The following SYNDIG1 variants were observed in gnomAD, a reference collection of about 807,000 sequenced individuals.
SYNDIG1 encodes synapse differentiation inducing 1.
In SYNDIG1, 9 loss-of-function variants were observed where a neutral mutation model predicts 19.4. The observed-to-expected ratio is 0.46, with a 90% confidence interval of 0.28 to 0.81. The LOEUF is 0.81. SYNDIG1 is among the 30% of genes least tolerant of loss of function. The pLI is 0.12. For missense variants in SYNDIG1, 311 were observed against 343.3 expected (o/e 0.91, Z 0.74); for synonymous variants, 141 against 145.9 (o/e 0.97, Z 0.24).
intron 3 of SYNDIG1, among the ~76,000 whole-genome samples, chr20:24,587,866 C>G (rs1448695052): frequency 1.1e-4 from 16 of 152,202 alleles, no homozygotes; most frequent in Admixed American, 1.0e-3. Flanking sequence ...CCTTTTATCT[C>G]AGATCATATC....
At chr20:24,471,556 C>T (rs2055458726) in intron 1 of SYNDIG1, among the ~76,000 whole-genome samples, 1 of 147,276 alleles carries the variant, frequency 6.8e-6, no homozygotes, top group African/African-American at 2.5e-5. Context: ...ACCCTGTCCC[C>T]ATTTCCTGCC....
chr20:24,568,562 A>G (rs549973820), intron 2 of SYNDIG1, among the ~76,000 whole-genome samples: 8 of 152,344 alleles, frequency 5.3e-5, no homozygotes, highest in African/African-American at 1.7e-4. Flanking sequence ...GATAAAAATG[A>G]TACTAACCTT....
chr20:24,523,382 A>G (rs2057048936), intron 1 of SYNDIG1, among the ~76,000 whole-genome samples: 1 of 152,206 alleles, frequency 6.6e-6, no homozygotes. Context: ...GATGACCACA[A>G]CAACAATGAT....
chr20:24,590,873 A>G (rs1227354209), intron 3 of SYNDIG1, among the ~76,000 whole-genome samples: 4 of 152,166 alleles, frequency 2.6e-5, no homozygotes, highest in African/African-American at 9.7e-5. Context: ...AGCTTCAGGC[A>G]TGCAGGGAGG....
At chr20:24,488,446 CTGG>C (rs1433666372) in intron 1 of SYNDIG1, among the ~76,000 whole-genome samples, 3 of 152,244 alleles carry the variant, frequency 2.0e-5, no homozygotes, top group Non-Finnish European at 4.4e-5. Context: ...CTCTCACTAC[CTGG>C]TGGTGTGCCG....
At chr20:24,660,729 C>T (rs1032338167) in intron 3 of SYNDIG1, among the ~76,000 whole-genome samples, 1 of 152,274 alleles carries the variant, frequency 6.6e-6, no homozygotes, top group Non-Finnish European at 1.5e-5. Flanking sequence ...CAGCTTCAGC[C>T]TGCTGGCACA....
At chr20:24,590,596 G>T (rs1354470401) in intron 3 of SYNDIG1, among the ~76,000 whole-genome samples, 1 of 152,102 alleles carries the variant, frequency 6.6e-6, no homozygotes, top group African/African-American at 2.4e-5. Context: ...GTGTCTTCTG[G>T]GTGAATGACC....
chr20:24,532,959 G>A (rs1048698372), intron 1 of SYNDIG1, among the ~76,000 whole-genome samples: 3 of 152,144 alleles, frequency 2.0e-5, no homozygotes, highest in Admixed American at 6.5e-5. Context: ...CATTTTCTTG[G>A]AAAGGGGTTG....
At chr20:24,643,610 G>A (rs1343452175) in intron 3 of SYNDIG1, among the ~76,000 whole-genome samples, 2 of 152,208 alleles carry the variant, frequency 1.3e-5, no homozygotes, top group Non-Finnish European at 2.9e-5. Context: ...CCTTCAGTGA[G>A]GTTGTTTCAT....
intron 2 of SYNDIG1, among the ~76,000 whole-genome samples, chr20:24,557,788 G>A (rs535984286): frequency 2.6e-5 from 4 of 152,288 alleles, no homozygotes; most frequent in Middle Eastern, 3.4e-3. Context: ...CAGTCTGCCC[G>A]TTCTCAGATC....
chr20:24,482,523 A>G (rs1033724838), intron 1 of SYNDIG1, among the ~76,000 whole-genome samples: 2 of 152,212 alleles, frequency 1.3e-5, no homozygotes, highest in Non-Finnish European at 1.5e-5. Flanking sequence ...TCTTGTCTTG[A>G]AAGTTTCACT....
intron 1 of SYNDIG1, among the ~76,000 whole-genome samples, chr20:24,513,085 C>T (rs1403129351): frequency 6.6e-6 from 1 of 152,172 alleles, no homozygotes; most frequent in African/African-American, 2.4e-5. Context: ...AGAAGGAAAA[C>T]TAATAAACAG....
At chr20:24,612,170 C>A (rs924256459) in intron 3 of SYNDIG1, among the ~76,000 whole-genome samples, 1 of 152,222 alleles carries the variant, frequency 6.6e-6, no homozygotes, top group Admixed American at 6.5e-5. Context: ...TCTACAAATT[C>A]TTCATTAATT....
chr20:24,568,996 C>A (rs2058097373), intron 2 of SYNDIG1, among the ~76,000 whole-genome samples: 1 of 152,218 alleles, frequency 6.6e-6, no homozygotes, highest in African/African-American at 2.4e-5. Flanking sequence ...CATCTGCTAG[C>A]TCATCACGCC....
intron 3 of SYNDIG1, among the ~76,000 whole-genome samples, chr20:24,628,249 G>A (rs1319188747): frequency 2.6e-5 from 4 of 152,186 alleles, no homozygotes; most frequent in Non-Finnish European, 4.4e-5. Context: ...CCTGCGTGCC[G>A]TTAAGTCGAC....
Position 24,598,552 on chromosome 20 carries a change from T to G in SYNDIG1, c.618+13559T>G, listed in dbSNP as rs554022010. Among the ~76,000 whole-genome samples, 238 of 152,354 alleles carry G rather than the reference T, an allele frequency of 1.6e-3. 3 individuals are homozygous for G. The highest frequency in any genetic ancestry group is 5.5e-3 in the African/African-American group (229 of 41,580). On this transcript the variant is annotated intron_variant, in intron 3 of 3. Transcript: ENST00000376862. ...ATTCAGGATCACACAGCAGGTTGGC[T>G]ACACGCCAGGACTGGGTGGGGCCCA...
At chr20:24,556,361 G>A (rs553836557) in intron 2 of SYNDIG1, among the ~76,000 whole-genome samples, 1 of 152,246 alleles carries the variant, frequency 6.6e-6, no homozygotes, top group Non-Finnish European at 1.5e-5. Context: ...ATGTTAGCTG[G>A]TTATTTTGCT....
intron 2 of SYNDIG1, among the ~76,000 whole-genome samples, chr20:24,552,326 CTTT>C (rs2057721353): frequency 6.6e-6 from 1 of 152,064 alleles, no homozygotes; most frequent in Non-Finnish European, 1.5e-5. Flanking sequence ...TATTATTATA[CTTT>C]AAGTTTTAGG....
chr20:24,653,034 C>G (rs1251105356), intron 3 of SYNDIG1, among the ~76,000 whole-genome samples: 8 of 152,180 alleles, frequency 5.3e-5, no homozygotes, highest in Admixed American at 5.2e-4. Flanking sequence ...CACCTCTGGA[C>G]CCCGCCTAAG....
Sources: allele counts gnomAD v4.1 joint callset (sites outside exome capture counted in the v4.1 genomes callset), GRCh38; gene constraint gnomAD v4.1.1; transcripts MANE v1.5; gene names NCBI Gene and HGNC (gene_info 2026-07-23, HGNC 2026-07-21).